Variants in THAP9 observed in about 807,000 individuals in gnomAD.
THAP9 encodes the protein THAP domain containing 9.
A neutral mutation model predicts 35.7 loss-of-function variants in THAP9; 20 were observed. The ratio of observed to expected loss-of-function variants is 0.56; its 90% confidence interval spans 0.39 to 0.81. The LOEUF (loss-of-function observed/expected upper bound fraction) is 0.81, where lower values mean the gene tolerates loss of function less well. Among genes scored for constraint, THAP9 ranks in the 40% least tolerant of loss-of-function variants. THAP9 has a pLI of 0.00. For synonymous variants in THAP9, 335 were observed against 373.7 expected (o/e 0.90, Z 1.19); for missense variants, 870 against 1,047.4 (o/e 0.83, Z 2.34).
intron 4 of THAP9, chr4:82,913,401 T>TA (rs1720931716): frequency 6.6e-6 from 1 of 152,186 alleles, no homozygotes; most frequent in Non-Finnish European, 1.5e-5. Context: ...ATGTACCACA[T>TA]ATGCAACACA....
chr4:82,907,875 G>A lies in THAP9; in HGVS notation c.671G>A (p.Ser224Asn). Residue 224 changes from serine to asparagine, a missense_variant, in exon 4 of 5, where the codon AGC becomes AAC. This residue lies in a region of THAP9 where 440 missense variants were observed against 501.2 expected (regional missense o/e 0.88). Transcript: ENST00000302236. The part of the protein sequence containing the change: ...QFACTLYLCS[S>N]KVYDYVRKIL... ...GCATGTACACTCTACTTGTGCAGTA[G>A]CAAAGTCTATGATTATGTAAGAAAG... The A allele has an allele frequency of 6.2e-7, 1 of 1,611,906 alleles. No individual in the cohort carries two copies. Among genetic ancestry groups the A allele is most frequent in the Non-Finnish European group, 8.5e-7 (1 of 1,179,038 alleles).
Position 82,918,992 on chromosome 4 carries a change from C to T in THAP9, c.*68C>T. On this transcript the variant is annotated 3_prime_UTR_variant, in exon 5 of 5. Coordinates refer to ENST00000302236, the MANE Select transcript of THAP9 (RefSeq NM_024672.6). ...CAACATTTTTTGAAGTTCAATTTAC[C>T]ATATTTTATAAATTGCGCATTCTGC... 1 of 1,316,916 alleles carries T rather than the reference C, an allele frequency of 7.6e-7. No homozygotes were observed. Among genetic ancestry groups the T allele is most frequent in the Non-Finnish European group, 1.0e-6 (1 of 963,352 alleles). 81.6% of individuals were successfully genotyped at this position (1,316,916 alleles called of 1,614,324 possible). A position where few individuals can be genotyped will look rare whatever the true frequency, so the allele number is the denominator to read the frequency against.
rs1432467510 is a variant in THAP9 at position 82,900,746 on chromosome 4, G to A, written c.-57G>A. The A allele has an allele frequency of 8.2e-6, 13 of 1,581,318 alleles. No homozygotes were observed. The East Asian group carries it at 2.0e-4, about 24-fold the overall frequency. On this transcript the variant is annotated 5_prime_UTR_variant, in exon 1 of 5. Coordinates refer to ENST00000302236, the MANE Select transcript of THAP9 (RefSeq NM_024672.6). ...CAGAGTCAACGGGCGGAGCTAAAGT[G>A]GTCGTGATTCATGCTGTCGCGGGAA...
At chr4:82,901,206 CA>C (rs1329295203) in intron 1 of THAP9, 1 of 570,356 alleles carries the variant, frequency 1.8e-6, no homozygotes, top group African/African-American at 1.9e-5. Flanking sequence ...CAGTTTAGGA[CA>C]ACGGTTGAAG....
In THAP9 at chr4:82,919,785, A is replaced by G. The variant is rs1000224887; in HGVS notation, c.*861A>G. The G allele has an allele frequency of 2.0e-5, 3 of 152,218 alleles. No homozygotes were observed. Among genetic ancestry groups the G allele is most frequent in the African/African-American group, 7.2e-5 (3 of 41,452 alleles). The allele number at this position is 152,218 out of a possible 1,614,324, so 9.4% of individuals were successfully genotyped here. ...AAACATAGGTAACTCTACTTTCACA[A>G]ATGAGGATAGTTTAACGGATAGAAG... On this transcript the variant is annotated 3_prime_UTR_variant, in exon 5 of 5. Transcript: ENST00000302236.
At position 82,904,922 on chromosome 4, in the gene THAP9, T is replaced by A. The variant is rs1285550489; in HGVS notation, c.267T>A (p.Ser89=). The change falls in exon 2 of 5, where the codon TCT becomes TCA. Residue 89 remains serine (S), a synonymous_variant. Transcript: ENST00000302236. The part of the protein sequence containing the change: ...KLKKGAVPSV[S]LYKIPQGVHL... ...AAAAAGGAGCTGTGCCTTCTGTTTC[T>A]CTATACAAGGTATTTAAATGTAGGT... 6.2e-7 allele frequency: 1 copy of A among 1,614,034 alleles called. No individual in the cohort carries two copies. The highest frequency in any genetic ancestry group is 1.3e-5 in the African/African-American group (1 of 75,024).
chr4:82,905,826 C>T (rs1197405154), intron 2 of THAP9: 2 of 455,074 alleles, frequency 4.4e-6, no homozygotes, highest in African/African-American at 4.0e-5. Context: ...ATTGTATCTT[C>T]AAAAGAATCC....
At chr4:82,912,045 A>G (rs1028745869) in intron 4 of THAP9, among the ~76,000 whole-genome samples, 1 of 152,154 alleles carries the variant, frequency 6.6e-6, no homozygotes, top group African/African-American at 2.4e-5. Flanking sequence ...GCTACATCAG[A>G]TATTTCTCTA....
intron 1 of THAP9, among the ~76,000 whole-genome samples, chr4:82,901,598 G>C (rs1720381081): frequency 1.3e-5 from 2 of 152,128 alleles, no homozygotes; most frequent in East Asian, 3.8e-4. Flanking sequence ...GTAAAGGATA[G>C]AAAGTGCAAA....
intron 1 of THAP9, among the ~76,000 whole-genome samples, chr4:82,903,753 CAG>C (rs1291284067): frequency 6.6e-6 from 1 of 152,168 alleles, no homozygotes; most frequent in African/African-American, 2.4e-5. Flanking sequence ...CTCGATGTTA[CAG>C]TATCTCATAA....
chr4:82,912,243 A>G (rs1365378779), intron 4 of THAP9, among the ~76,000 whole-genome samples: 3 of 152,192 alleles, frequency 2.0e-5, no homozygotes, highest in Non-Finnish European at 4.4e-5. Context: ...TGATATATTT[A>G]GTGTGATCTT....
chr4:82,907,099 G>C (rs1455731829), intron 3 of THAP9, among the ~76,000 whole-genome samples: 3 of 152,076 alleles, frequency 2.0e-5, no homozygotes, highest in Non-Finnish European at 4.4e-5. Flanking sequence ...ATATTCTATA[G>C]AGTAGACTAT....
intron 4 of THAP9, chr4:82,910,928 AAG>A: frequency 5.0e-6 from 1 of 201,602 alleles, no homozygotes; most frequent in Admixed American, 4.9e-5. Flanking sequence ...GAGTGGGATT[AAG>A]AGAGACTAAA....
chr4:82,911,664 G>T (rs1473981534), intron 4 of THAP9, among the ~76,000 whole-genome samples: 1 of 152,190 alleles, frequency 6.6e-6, no homozygotes, highest in Non-Finnish European at 1.5e-5. Context: ...CAGTCGTCCA[G>T]TCAGCCTCCC....
At chr4:82,901,138 G>C (rs1720341468) in intron 1 of THAP9, 2 of 682,512 alleles carry the variant, frequency 2.9e-6, no homozygotes, top group Admixed American at 4.1e-5. Flanking sequence ...TACGCGAAAG[G>C]AGTCCTCCAT....
At chr4:82,911,335 T>TA (rs1477642288) in intron 4 of THAP9, among the ~76,000 whole-genome samples, 1 of 151,818 alleles carries the variant, frequency 6.6e-6, no homozygotes, top group African/African-American at 2.4e-5. Context: ...CTCATGCCTG[T>TA]AATCCCAGCA....
chr4:82,904,895 G>A lies in THAP9; in HGVS notation c.240G>A (p.Leu80=). The change falls in exon 2 of 5, where the codon CTG becomes CTA. Residue 80 remains leucine, a synonymous_variant. Transcript: ENST00000302236. ...AGTCATATGGCATAAGAAGAAAGCT[G>A]AAAAAAGGAGCTGTGCCTTCTGTTT... The part of the protein sequence containing the change: ...DFESYGIRRK[L]KKGAVPSVSL... The A allele has an allele frequency of 6.2e-7, 1 of 1,613,740 alleles. No homozygotes were observed. The highest frequency in any genetic ancestry group is 8.5e-7 in the Non-Finnish European group (1 of 1,179,898).
intron 4 of THAP9, among the ~76,000 whole-genome samples, chr4:82,915,134 G>A (rs1016598341): frequency 3.9e-5 from 6 of 152,014 alleles, no homozygotes; most frequent in Non-Finnish European, 7.4e-5. Context: ...CCTTATTTCC[G>A]GTTTGCCCTA....
At chr4:82,904,058 CTTTTTTTTTTTTT>C (rs59655406) in intron 1 of THAP9, among the ~76,000 whole-genome samples, 1 of 82,210 alleles carries the variant, frequency 1.2e-5, no homozygotes, top group Admixed American at 1.4e-4. Context: ...TAGGCTCCCC[CTTTTTTTTTTTTT>C]TTTTTTTTTT....
Sources: allele counts gnomAD v4.1 joint callset (sites outside exome capture counted in the v4.1 genomes callset), GRCh38; gene constraint gnomAD v4.1.1; regional missense constraint gnomAD v4.1.1; transcripts MANE v1.5; gene names NCBI Gene and HGNC (gene_info 2026-07-23, HGNC 2026-07-21).